The following GSG1L variants were observed in gnomAD, a reference collection of about 807,000 sequenced individuals.
GSG1L encodes the protein germ cell-specific gene 1-like protein.
A neutral mutation model predicts 42.1 loss-of-function variants in GSG1L; 24 were observed. The observed-to-expected ratio is 0.57, with a 90% CI of 0.41 to 0.80. The LOEUF (loss-of-function observed/expected upper bound fraction) is 0.80. Ranked by LOEUF, GSG1L falls within the 30% of genes least tolerant of loss-of-function variation. The probability of loss-of-function intolerance (pLI) is 0.00; values close to 1 mark genes in which losing one functional copy is unlikely to be tolerated. For missense variants in GSG1L, 445 were observed against 472.2 expected, an observed-to-expected ratio of 0.94 and a Z score of 0.53; for synonymous variants, 215 against 203.5, an observed-to-expected ratio of 1.06 and a Z score of -0.48.
intron 2 of GSG1L, among the ~76,000 whole-genome samples, chr16:27,895,543 T>C (rs1775114476): frequency 1.3e-5 from 2 of 152,190 alleles, no homozygotes; most frequent in Non-Finnish European, 2.9e-5. Flanking sequence ...TCCAGGGTTC[T>C]AACAAACACC....
intron 1 of GSG1L, among the ~76,000 whole-genome samples, chr16:27,965,072 A>G (rs1266314356): frequency 6.6e-6 from 1 of 152,140 alleles, no homozygotes; most frequent in African/African-American, 2.4e-5. Flanking sequence ...AGGCTGGAGT[A>G]CAGTGGTGCA....
At chr16:27,928,042 C>A (rs1229430181) in intron 2 of GSG1L, among the ~76,000 whole-genome samples, 2 of 152,180 alleles carry the variant, frequency 1.3e-5, no homozygotes, top group Non-Finnish European at 2.9e-5. Context: ...ATCCACTAGA[C>A]GATACGTTCC....
At chr16:27,937,246 CT>C (rs199773933) in intron 2 of GSG1L, among the ~76,000 whole-genome samples, 261 of 145,642 alleles carry the variant, frequency 1.8e-3, no homozygotes, top group South Asian at 2.8e-3. Flanking sequence ...GCTCTTCTGC[CT>C]TTTTTTTTTT....
chr16:28,062,942 C>T, intron 1 of GSG1L, 134 bp downstream of exon 1: 1 of 1,175,818 alleles, frequency 8.5e-7, no homozygotes, highest in Admixed American at 4.6e-5. Context: ...GAACGTCGCC[C>T]CTAGCCAGGC....
chr16:27,963,180 C>G lies in GSG1L; in HGVS notation c.373G>C (p.Asp125His). ...GLGEKCRSFI[D>H]LAPASEKGVL... Reference sequence around the variant, plus strand: ...CCTTTCTCCGATGCCGGGGCCAGGTCAATGAAGCTGCGACATTTTTCACCT... The same window carrying G: ...CCTTTCTCCGATGCCGGGGCCAGGTGAATGAAGCTGCGACATTTTTCACCT... Residue 125 changes from aspartate to histidine, a missense_variant, in exon 2 of 7, where the codon GAC (aspartate) becomes CAC (histidine). By Grantham distance (81) the Asp-to-His change is moderately conservative. Coordinates refer to ENST00000447459, the MANE Select transcript of GSG1L (RefSeq NM_001109763.2). The G allele has an allele frequency of 6.2e-7, 1 of 1,613,946 alleles. No homozygotes were observed. Among genetic ancestry groups the G allele is most frequent in the Non-Finnish European group, 8.5e-7 (1 of 1,179,850 alleles).
intron 1 of GSG1L, among the ~76,000 whole-genome samples, chr16:28,037,735 G>A (rs1158582844): frequency 1.3e-5 from 2 of 152,142 alleles, no homozygotes; most frequent in Non-Finnish European, 1.5e-5. Flanking sequence ...AAATTGCAAT[G>A]GACCAAAGTC....
intron 1 of GSG1L, among the ~76,000 whole-genome samples, chr16:28,017,884 C>T (rs899876983): frequency 1.3e-5 from 2 of 152,004 alleles, no homozygotes; most frequent in East Asian, 1.9e-4. Flanking sequence ...TGGGGAGGGA[C>T]GGGATGTGAT....
intron 1 of GSG1L, among the ~76,000 whole-genome samples, chr16:27,990,163 G>A (rs2085439369): frequency 6.6e-6 from 1 of 152,112 alleles, no homozygotes; most frequent in Admixed American, 6.6e-5. Context: ...TCATTTTTAT[G>A]ACTTTTTGTT....
intron 4 of GSG1L, among the ~76,000 whole-genome samples, chr16:27,837,552 G>A (rs796768747): frequency 1.1e-4 from 16 of 152,312 alleles, no homozygotes; most frequent in African/African-American, 3.4e-4. Flanking sequence ...GGAGGGAGAT[G>A]TTCTTATTAC....
Position 27,884,703 on chromosome 16 carries a change from T to C in GSG1L, c.398-65A>G. ...ACCCAAGATAGACTCACCCTGTGCC[T>C]ATTCCTCCCACAACAGCAGAGGGTA... On this transcript the variant is annotated intron_variant, in intron 2 of 6. Transcript: ENST00000447459. The surrounding 1 kb of genome is among the most constrained non-coding windows in gnomAD (Gnocchi z 4.4). The C allele has an allele frequency of 6.8e-7, 1 of 1,464,314 alleles. No individual in the cohort carries two copies. The highest frequency in any genetic ancestry group is 9.3e-7 in the Non-Finnish European group (1 of 1,080,156). The allele number at this position is 1,464,314 out of a possible 1,614,324, so 90.7% of individuals were successfully genotyped here.
intron 3 of GSG1L, among the ~76,000 whole-genome samples, chr16:27,854,866 G>A (rs536118173): frequency 1.3e-5 from 2 of 152,254 alleles, no homozygotes; most frequent in African/African-American, 4.8e-5. Flanking sequence ...GATTGGGTGG[G>A]AATGAGATCC....
intron 3 of GSG1L, among the ~76,000 whole-genome samples, chr16:27,846,021 G>A (rs2083439595): frequency 6.6e-6 from 1 of 151,914 alleles, no homozygotes; most frequent in South Asian, 2.1e-4. Context: ...TCCCACCTCA[G>A]CCTCCTAAGT....
chr16:28,027,511 T>C (rs2085912679), intron 1 of GSG1L, among the ~76,000 whole-genome samples: 1 of 152,196 alleles, frequency 6.6e-6, no homozygotes. Context: ...CACCATCCAA[T>C]GCAGTGGCCA....
chr16:27,888,287 A>AT (rs2084054050), intron 2 of GSG1L: 1 of 194,270 alleles, frequency 5.1e-6, no homozygotes, highest in African/African-American at 2.4e-5. Flanking sequence ...GTGATGGGAG[A>AT]TGGGCCAGAG....
intron 1 of GSG1L, among the ~76,000 whole-genome samples, chr16:27,996,565 C>T (rs924777436): frequency 6.6e-5 from 10 of 152,024 alleles, no homozygotes; most frequent in Admixed American, 6.5e-4. Context: ...ATTAGTAGTA[C>T]ATGGAAAAGT....
At chr16:27,988,134 T>C (rs887050848) in intron 1 of GSG1L, among the ~76,000 whole-genome samples, 4 of 151,986 alleles carry the variant, frequency 2.6e-5, no homozygotes, top group Admixed American at 2.6e-4. Flanking sequence ...TTATATACTT[T>C]AAGTATATCT....
At chr16:27,837,479 A>C (rs2083333710) in intron 4 of GSG1L, among the ~76,000 whole-genome samples, 1 of 152,194 alleles carries the variant, frequency 6.6e-6, no homozygotes, top group Admixed American at 6.5e-5. Context: ...GCCTCTGCTG[A>C]TACCTGGCTG....
At chr16:28,033,987 C>T (rs2085998109) in intron 1 of GSG1L, among the ~76,000 whole-genome samples, 1 of 152,162 alleles carries the variant, frequency 6.6e-6, no homozygotes, top group South Asian at 2.1e-4. Context: ...TATCTCAGCC[C>T]ATCTTAGAGA....
intron 3 of GSG1L, among the ~76,000 whole-genome samples, chr16:27,856,015 G>A (rs545347982): frequency 3.2e-4 from 49 of 152,272 alleles, no homozygotes; most frequent in Admixed American, 2.7e-3. Context: ...CGGTGCTTAA[G>A]CTCATTTTAG....
Sources: gnomAD v4.1 joint callset for allele counts (sites outside exome capture counted in the v4.1 genomes callset) on GRCh38, gnomAD v4.1.1 for gene constraint, Gnocchi (gnomAD v3.1) non-coding constraint, MANE v1.5 for transcripts, NCBI Gene and HGNC (gene_info 2026-07-23, HGNC 2026-07-21) for gene names.